Variants in TOP3A observed in about 807,000 individuals in gnomAD.
TOP3A encodes the protein DNA topoisomerase III alpha, also known as DNA topoisomerase 3-alpha.
In TOP3A, 64 loss-of-function variants were observed where a neutral mutation model predicts 111.3. That is an observed-to-expected ratio of 0.57 (90% CI 0.47 to 0.71). The LOEUF (loss-of-function observed/expected upper bound fraction) is 0.71, where lower values mean the gene tolerates loss of function less well. Among genes scored for constraint, TOP3A ranks in the 30% least tolerant of loss-of-function variants. TOP3A has a pLI of 0.00. For missense variants in TOP3A, 1,104 were observed against 1,285.0 expected, an observed-to-expected ratio of 0.86 and a Z score of 2.15; for synonymous variants, 484 against 485.1, an observed-to-expected ratio of 1.00 and a Z score of 0.03.
rs145407600 is a variant in TOP3A, at chr17:18,277,942, G to A, written c.2560C>T (p.Pro854Ser). Reference sequence around the variant, plus strand: ...AAGGCAGGAGGCCCTCCTGCTCCCGGATTGGGGCTGTCTGCCCACAGGAAG... The same window carrying A: ...AAGGCAGGAGGCCCTCCTGCTCCCGAATTGGGGCTGTCTGCCCACAGGAAG... The part of the protein sequence containing the change: ...NFFLWADSPN[P>S]GAGGPPALAY... Residue 854 changes from proline to serine, a missense_variant, in exon 18 of 19, where the codon CCG becomes TCG. By Grantham distance (74) the Pro-to-Ser change is moderately conservative. Transcript: ENST00000321105. 3.1e-6 allele frequency: 5 copies of A among 1,613,842 alleles called. No individual in the cohort carries two copies. Among genetic ancestry groups the A allele is most frequent in the Non-Finnish European group, 4.2e-6 (5 of 1,180,052 alleles).
intron 4 of TOP3A, among the ~76,000 whole-genome samples, chr17:18,305,911 AAATT>A (rs1177342932): frequency 6.6e-6 from 1 of 151,900 alleles, no homozygotes; most frequent in Non-Finnish European, 1.5e-5. Flanking sequence ...AGTTCTCAAT[AAATT>A]AACTGGCCAG....
intron 1 of TOP3A, chr17:18,313,537 G>T: frequency 6.5e-6 from 1 of 153,164 alleles, no homozygotes; most frequent in South Asian, 1.9e-4. Flanking sequence ...GGTATGATAG[G>T]GTAAAAATAG....
chr17:18,301,735 G>T, intron 8 of TOP3A, 150 bp downstream of exon 8: 1 of 616,432 alleles, frequency 1.6e-6, no homozygotes, highest in Non-Finnish European at 2.9e-6. Context: ...TTCTCATGGG[G>T]TTCGTCTTAT....
chr17:18,308,788 T>TA, intron 2 of TOP3A, 94 bp downstream of exon 2: 1 of 766,196 alleles, frequency 1.3e-6, no homozygotes, highest in Non-Finnish European at 2.0e-6. Context: ...TAACAGTTGT[T>TA]ATTCTTAAGA....
intron 8 of TOP3A, 90 bp downstream of exon 8, chr17:18,301,795 A>G (rs986327077): frequency 2.7e-6 from 3 of 1,106,092 alleles, no homozygotes; most frequent in Non-Finnish European, 4.0e-6. Flanking sequence ...GCTAAAGTCC[A>G]ATGGGAGAAT....
chr17:18,288,185 C>T (rs1297983399), intron 13 of TOP3A, among the ~76,000 whole-genome samples: 2 of 117,514 alleles, frequency 1.7e-5, no homozygotes, highest in Admixed American at 9.1e-5. Context: ...TGGAGTCTCT[C>T]TCTGTCACCA....
intron 3 of TOP3A, 173 bp from the exon 4 acceptor site, chr17:18,307,139 A>G: frequency 1.8e-6 from 1 of 553,492 alleles, no homozygotes; most frequent in Non-Finnish European, 3.2e-6. Context: ...CTTCTCCAAG[A>G]GTGTGAACAG....
In TOP3A at chr17:18,274,605, T is replaced by C. The variant is rs1302439877; in HGVS notation, c.*197A>G. On this transcript the variant is annotated 3_prime_UTR_variant, in exon 19 of 19. Transcript: ENST00000321105. The stretch of plus-strand genomic sequence containing the variant: ...TCACTCCTGAGGCCTGGGAAGAGGG[T>C]CACTGTCCAGCAGAGCTGGCCTGCT... The C allele has an allele frequency of 1.2e-6, 1 of 864,002 alleles. No homozygotes were observed. The highest frequency in any genetic ancestry group is 1.7e-6 in the Non-Finnish European group (1 of 605,068). The allele number at this position is 864,002 out of a possible 1,614,324, so 53.5% of individuals were successfully genotyped here.
intron 5 of TOP3A, 186 bp from the exon 6 acceptor site, chr17:18,302,909 C>T (rs1038328319): frequency 3.3e-6 from 2 of 611,402 alleles, no homozygotes; most frequent in East Asian, 6.0e-5. Context: ...TCACCATAAC[C>T]TTTAAACTGA....
intron 18 of TOP3A, 110 bp from the exon 19 acceptor site, chr17:18,275,090 A>G: frequency 1.0e-5 from 15 of 1,444,248 alleles, no homozygotes; most frequent in Non-Finnish European, 1.4e-5. Flanking sequence ...AAGCTGAGGG[A>G]GGAGGATTGC....
intron 1 of TOP3A, 82 bp from the exon 2 acceptor site, chr17:18,309,023 T>G: frequency 1.3e-6 from 1 of 758,944 alleles, no homozygotes; most frequent in Non-Finnish European, 2.0e-6. Context: ...GATCCTGAAT[T>G]TGGCAATGAT....
chr17:18,314,727 C>T lies in TOP3A; in HGVS notation c.52G>A (p.Asp18Asn), dbSNP rs1042961967. The change falls in exon 1 of 19, where the codon GAC becomes AAC. Residue 18 changes from aspartate (D) to asparagine (N), a missense_variant. Coordinates refer to ENST00000321105, the MANE Select transcript of TOP3A (RefSeq NM_004618.5). ...YALRWLRRPE[D>N]RAFSRAAMEM... ...ATGGCGGCGCGGGAAAAGGCACGGTCTTCGGGCCGTCGCAGCCACCGGAGC... is the reference window on the plus strand; with the variant it reads ...ATGGCGGCGCGGGAAAAGGCACGGTTTTCGGGCCGTCGCAGCCACCGGAGC... The T allele has an allele frequency of 6.3e-7, 1 of 1,591,708 alleles. No homozygotes were observed. The highest frequency in any genetic ancestry group is 8.6e-7 in the Non-Finnish European group (1 of 1,169,552).
At chr17:18,308,169 A>G in intron 3 of TOP3A, 182 bp downstream of exon 3, 1 of 404,546 alleles carries the variant, frequency 2.5e-6, no homozygotes, top group Non-Finnish European at 4.3e-6. Flanking sequence ...CCGAGATCAC[A>G]CCACTGCACT....
chr17:18,302,214 T>G (rs1981275386), intron 7 of TOP3A, 50 bp downstream of exon 7: 1 of 1,554,900 alleles, frequency 6.4e-7, no homozygotes, highest in South Asian at 1.2e-5. Context: ...TCCCCCTCCT[T>G]AACCTTGAGC....
chr17:18,283,953 G>A (rs1979925867), intron 15 of TOP3A, among the ~76,000 whole-genome samples: 1 of 152,186 alleles, frequency 6.6e-6, no homozygotes, highest in Admixed American at 6.6e-5. Flanking sequence ...CCCTCCAGGA[G>A]TCTTTACCTG....
chr17:18,286,502 C>T (rs574057710), intron 13 of TOP3A, among the ~76,000 whole-genome samples: 32 of 151,944 alleles, frequency 2.1e-4, no homozygotes, highest in Non-Finnish European at 3.4e-4. Context: ...GGCAACAGAG[C>T]GAGACTCCAC....
chr17:18,300,318 C>T (rs1359205839), intron 8 of TOP3A, among the ~76,000 whole-genome samples: 3 of 150,974 alleles, frequency 2.0e-5, no homozygotes, highest in African/African-American at 4.9e-5. Context: ...CGCTTGAACC[C>T]GGGAGGTAGA....
chr17:18,311,354 C>A (rs371018273), intron 1 of TOP3A, among the ~76,000 whole-genome samples: 29 of 152,042 alleles, frequency 1.9e-4, no homozygotes, highest in African/African-American at 6.8e-4. Flanking sequence ...AATGTAATGG[C>A]GCAATCTAGG....
intron 1 of TOP3A, among the ~76,000 whole-genome samples, chr17:18,309,547 G>A (rs1483087226): frequency 2.6e-5 from 4 of 151,866 alleles, no homozygotes; most frequent in Admixed American, 6.6e-5. Context: ...GGGAGGCTGA[G>A]GCAGGAGAAT....
Sources: allele counts gnomAD v4.1 joint callset (sites outside exome capture counted in the v4.1 genomes callset), GRCh38; gene constraint gnomAD v4.1.1; transcripts MANE v1.5; gene names NCBI Gene and HGNC (gene_info 2026-07-23, HGNC 2026-07-21).